The following TLN2 variants were observed in gnomAD, a reference collection of about 807,000 sequenced individuals.
TLN2 encodes talin 2.
In TLN2, 118 loss-of-function variants were observed where a neutral mutation model predicts 294.7. The observed-to-expected ratio is 0.40, with a 90% CI of 0.34 to 0.47. The LOEUF (loss-of-function observed/expected upper bound fraction) is 0.47, where lower values mean the gene tolerates loss of function less well. Among genes scored for constraint, TLN2 ranks in the 20% least tolerant of loss-of-function variants. The probability of loss-of-function intolerance (pLI) is 0.84; values close to 1 mark genes in which losing one functional copy is unlikely to be tolerated. For missense variants in TLN2, 3,083 were observed against 3,282.2 expected (o/e 0.94, Z 1.48); for synonymous variants, 1,431 against 1,304.5 (o/e 1.10, Z -2.09).
At chr15:62,591,172 T>C (rs2046048688) in intron 2 of TLN2, among the ~76,000 whole-genome samples, 1 of 152,220 alleles carries the variant, frequency 6.6e-6, no homozygotes, top group Non-Finnish European at 1.5e-5. Context: ...ACTAAAAGAA[T>C]AGGATTATTC....
At chr15:62,422,423 G>A (rs1157963319) in intron 1 of TLN2, among the ~76,000 whole-genome samples, 1 of 152,092 alleles carries the variant, frequency 6.6e-6, no homozygotes, top group African/African-American at 2.4e-5. Flanking sequence ...CATGACTTCA[G>A]ATTGTCTCTT....
chr15:62,454,751 C>T (rs1329869520), intron 1 of TLN2, among the ~76,000 whole-genome samples: 2 of 152,096 alleles, frequency 1.3e-5, no homozygotes, highest in African/African-American at 4.8e-5. Flanking sequence ...TCCTAGTTTG[C>T]CTTAGACCCT....
At chr15:62,835,562 C>A in intron 55 of TLN2, 175 bp from the exon 56 acceptor site, 1 of 670,124 alleles carries the variant, frequency 1.5e-6, no homozygotes, top group South Asian at 1.8e-5. Context: ...TGCAATCTTT[C>A]TTGGCATGGC....
intron 45 of TLN2, chr15:62,784,301 T>G (rs2064449484): frequency 3.4e-6 from 1 of 292,242 alleles, no homozygotes; most frequent in South Asian, 1.6e-4. Context: ...AAGATTCAAG[T>G]ATGAAAATTA....
At chr15:62,716,289 C>G in intron 22 of TLN2, 42 bp from the exon 23 acceptor site, 1 of 1,521,534 alleles carries the variant, frequency 6.6e-7, no homozygotes, top group Non-Finnish European at 8.8e-7. Context: ...TCAGTGATGT[C>G]TCCTGCTGGA....
intron 1 of TLN2, among the ~76,000 whole-genome samples, chr15:62,451,907 C>G (rs1047402918): frequency 6.6e-6 from 1 of 152,072 alleles, no homozygotes; most frequent in Non-Finnish European, 1.5e-5. Flanking sequence ...AGTTTTAGAT[C>G]GTATATTTAT....
chr15:62,620,643 T>G (rs1345442705), intron 3 of TLN2, among the ~76,000 whole-genome samples: 1 of 151,826 alleles, frequency 6.6e-6, no homozygotes, highest in African/African-American at 2.4e-5. Context: ...CATGCCTGGC[T>G]AATTTTGTAA....
chr15:62,628,473 G>C (rs1567216290), intron 3 of TLN2, among the ~76,000 whole-genome samples: 1 of 152,246 alleles, frequency 6.6e-6, no homozygotes, highest in Non-Finnish European at 1.5e-5. Context: ...GTTGAATTAA[G>C]TGGAATTATT....
intron 1 of TLN2, among the ~76,000 whole-genome samples, chr15:62,428,578 T>C (rs1408683114): frequency 6.6e-6 from 1 of 152,138 alleles, no homozygotes; most frequent in Non-Finnish European, 1.5e-5. Context: ...CTGGAGTGGG[T>C]TGATTAAGTT....
At chr15:62,602,284 G>A (rs1238436507) in intron 2 of TLN2, among the ~76,000 whole-genome samples, 2 of 152,014 alleles carry the variant, frequency 1.3e-5, no homozygotes, top group African/African-American at 2.4e-5. Context: ...CAGTGATACC[G>A]TCATATTTTT....
intron 32 of TLN2, among the ~76,000 whole-genome samples, chr15:62,746,432 T>A (rs1249143831): frequency 1.3e-5 from 2 of 152,174 alleles, no homozygotes; most frequent in Non-Finnish European, 2.9e-5. Flanking sequence ...GCGCAGTGTT[T>A]CCCAGTGACA....
intron 1 of TLN2, among the ~76,000 whole-genome samples, chr15:62,464,647 G>A (rs2037009955): frequency 6.6e-6 from 1 of 151,876 alleles, no homozygotes; most frequent in Non-Finnish European, 1.5e-5. Context: ...GTCTACTAGG[G>A]TACCCAAATA....
At chr15:62,578,525 C>A (rs368261604) in intron 1 of TLN2, among the ~76,000 whole-genome samples, 7 of 152,130 alleles carry the variant, frequency 4.6e-5, no homozygotes, top group South Asian at 2.1e-4. Context: ...GAGATTGCGC[C>A]ACTGCACCCC....
chr15:62,456,236 C>T (rs1437620181), intron 1 of TLN2, among the ~76,000 whole-genome samples: 1 of 152,182 alleles, frequency 6.6e-6, no homozygotes, highest in Non-Finnish European at 1.5e-5. Flanking sequence ...GGCCAGACTT[C>T]TTTTTGTCCT....
At chr15:62,554,422 G>C (rs890114396) in intron 1 of TLN2, among the ~76,000 whole-genome samples, 2 of 150,842 alleles carry the variant, frequency 1.3e-5, no homozygotes, top group South Asian at 4.2e-4. Flanking sequence ...CCAGAAAGCT[G>C]TAGTTTTAAC....
At chr15:62,616,317 G>A (rs1321455587) in intron 2 of TLN2, among the ~76,000 whole-genome samples, 1 of 152,186 alleles carries the variant, frequency 6.6e-6, no homozygotes, top group East Asian at 1.9e-4. Context: ...TATTTGTCCT[G>A]TAGAGCCCGA....
chr15:62,682,336 T>G (rs143725073), intron 11 of TLN2, among the ~76,000 whole-genome samples: 1 of 152,374 alleles, frequency 6.6e-6, no homozygotes, highest in Non-Finnish European at 1.5e-5. Flanking sequence ...AATTCATTCT[T>G]AGCTCTTGGT....
chr15:62,783,225 C>A (rs1435486130), intron 44 of TLN2, among the ~76,000 whole-genome samples: 1 of 152,248 alleles, frequency 6.6e-6, no homozygotes, highest in Admixed American at 6.5e-5. Flanking sequence ...ACTGACTTAT[C>A]CAGCACTTGT....
intron 1 of TLN2, among the ~76,000 whole-genome samples, chr15:62,455,558 G>C (rs1417655250): frequency 6.6e-6 from 1 of 152,166 alleles, no homozygotes; most frequent in Non-Finnish European, 1.5e-5. Flanking sequence ...TTTAGAAAGA[G>C]TAACCTACAC....
Sources: allele counts gnomAD v4.1 joint callset (sites outside exome capture counted in the v4.1 genomes callset), GRCh38; gene constraint gnomAD v4.1.1; transcripts MANE v1.5; gene names NCBI Gene and HGNC (gene_info 2026-07-23, HGNC 2026-07-21).